The following WWOX variants were observed in gnomAD, a reference collection of about 807,000 sequenced individuals.
The protein encoded by WWOX is WW domain containing oxidoreductase, also known as WW domain-containing oxidoreductase.
A neutral mutation model predicts 46.2 loss-of-function variants in WWOX; 69 were observed. The observed-to-expected ratio is 1.49, with a 90% confidence interval of 1.23 to 1.82. The LOEUF (loss-of-function observed/expected upper bound fraction) is 1.82. WWOX is among the 40% of genes most tolerant of loss of function. WWOX has a pLI of 0.00. For missense variants in WWOX, 919 were observed against 542.6 expected (o/e 1.69, Z -6.89); for synonymous variants, 359 against 202.6 (o/e 1.77, Z -6.56).
chr16:79,141,734 C>T (rs2113271), intron 8 of WWOX, among the ~76,000 whole-genome samples: 29,379 of 147,448 alleles, frequency 0.2, 3,212 homozygotes, highest in East Asian at 0.4. Context: ...CCGTCTAGCA[C>T]GGAGGGCCAG....
Position 78,372,578 on chromosome 16 carries a change from C to T in WWOX, c.517-14282C>T, listed in dbSNP as rs377757021. 9.9e-5 allele frequency among the ~76,000 whole-genome samples: 15 copies of T among 152,280 alleles called. 1 individual carries two copies. The highest frequency in any genetic ancestry group is 3.6e-4 in the African/African-American group (15 of 41,552). The stretch of plus-strand genomic sequence containing the variant: ...GGGAAGTGCCCTGTCCATTATCCTC[C>T]ATGGTCCCATCTGAACTGGATCTAG... On this transcript the variant is annotated intron_variant, in intron 5 of 8. Coordinates refer to ENST00000566780, the MANE Select transcript of WWOX (RefSeq NM_016373.4).
intron 8 of WWOX, among the ~76,000 whole-genome samples, chr16:78,588,623 G>A (rs1453303595): frequency 1.3e-5 from 2 of 152,196 alleles, no homozygotes; most frequent in Non-Finnish European, 2.9e-5. Context: ...CTCAGAGAAA[G>A]TGAGGTCATT....
intron 8 of WWOX, among the ~76,000 whole-genome samples, chr16:79,012,186 A>G (rs1350919786): frequency 2.0e-5 from 3 of 152,120 alleles, no homozygotes; most frequent in Non-Finnish European, 4.4e-5. Flanking sequence ...TATAAAAGCC[A>G]CAAGCCACAT....
At chr16:78,597,910 C>A (rs1369842074) in intron 8 of WWOX, among the ~76,000 whole-genome samples, 1 of 151,882 alleles carries the variant, frequency 6.6e-6, no homozygotes, top group African/African-American at 2.4e-5. Flanking sequence ...CCTTTTCAGA[C>A]ACTGTAAAAC....
At chr16:78,702,667 A>AAC (rs1196487850) in intron 8 of WWOX, among the ~76,000 whole-genome samples, 4 of 35,610 alleles carry the variant, frequency 1.1e-4, no homozygotes, top group Non-Finnish European at 1.4e-4. Context: ...AAAAAAGAAC[A>AAC]AAAAAAAAAA....
At chr16:78,772,652 C>T (rs376879807) in intron 8 of WWOX, among the ~76,000 whole-genome samples, 1 of 152,160 alleles carries the variant, frequency 6.6e-6, no homozygotes, top group African/African-American at 2.4e-5. Context: ...CTAGCTAATT[C>T]CAGGCTTCAA....
chr16:79,070,848 A>T (rs1359664818), intron 8 of WWOX, among the ~76,000 whole-genome samples: 1 of 152,128 alleles, frequency 6.6e-6, no homozygotes, highest in African/African-American at 2.4e-5. Flanking sequence ...GAGGGAGTGG[A>T]AGAGAAATGT....
chr16:78,817,900 A>C (rs1309386376), intron 8 of WWOX, among the ~76,000 whole-genome samples: 1 of 152,154 alleles, frequency 6.6e-6, no homozygotes, highest in Admixed American at 6.5e-5. Flanking sequence ...AAACCATCTC[A>C]TTGGGCTTTC....
In WWOX at chr16:78,843,997, A is replaced by C. The variant is rs186477595; in HGVS notation, c.1057-367611A>C. ...TAGGCAAAACCCAGATGATGTATTC[A>C]ACATGCTCTGAGAATAGCCAGGGGT... On this transcript the variant is annotated intron_variant, in intron 8 of 8. Coordinates refer to ENST00000566780, the MANE Select transcript of WWOX (RefSeq NM_016373.4). Among the ~76,000 whole-genome samples the C allele has an allele frequency of 2.6e-5, 4 of 152,288 alleles. No homozygotes were observed. In the East Asian group the frequency reaches 7.7e-4, roughly 29 times the overall value.
chr16:78,440,159 T>C (rs1036600899), intron 8 of WWOX, among the ~76,000 whole-genome samples: 1 of 152,194 alleles, frequency 6.6e-6, no homozygotes, highest in Non-Finnish European at 1.5e-5. Context: ...AATACGTATG[T>C]ACATATTTTA....
intron 8 of WWOX, among the ~76,000 whole-genome samples, chr16:78,827,964 G>T (rs1237165387): frequency 6.6e-6 from 1 of 152,172 alleles, no homozygotes; most frequent in East Asian, 1.9e-4. Context: ...TGACATGACT[G>T]GGGACAGAGT....
rs980666301 is a variant in WWOX, at chr16:78,825,455, C to T, written c.1057-386153C>T. The T allele has an allele frequency of 2.6e-5, 10 of 392,134 alleles. 1 individual carries two copies. The highest frequency in any genetic ancestry group is 4.3e-5 in the South Asian group (2 of 46,552). 24.3% of individuals were successfully genotyped at this position (392,134 alleles called of 1,614,324 possible). On this transcript the variant is annotated intron_variant, in intron 8 of 8. Coordinates refer to ENST00000566780, the MANE Select transcript of WWOX (RefSeq NM_016373.4). The stretch of plus-strand genomic sequence containing the variant: ...TTAGCCAACAGAACAAAAAATGTTC[C>T]TGGTGAGAACAGCCAGGGATTCTGG...
At chr16:79,024,432 A>G (rs927620091) in intron 8 of WWOX, among the ~76,000 whole-genome samples, 1 of 151,504 alleles carries the variant, frequency 6.6e-6, no homozygotes, top group African/African-American at 2.4e-5. Flanking sequence ...CTGATTTTTA[A>G]ATTTTTTTTT....
intron 7 of WWOX, among the ~76,000 whole-genome samples, chr16:78,426,911 C>T (rs566453722): frequency 2.0e-5 from 3 of 152,342 alleles, no homozygotes; most frequent in South Asian, 4.1e-4. Context: ...ATCCGCCTGC[C>T]TTGGCTTCTC....
chr16:78,299,585 T>TGGCAAGATC (rs2080004424), intron 5 of WWOX, among the ~76,000 whole-genome samples: 1 of 151,642 alleles, frequency 6.6e-6, no homozygotes, highest in East Asian at 1.9e-4. Context: ...GTGGCGAGAT[T>TGGCAAGATC]GGCAAGATCG....
intron 8 of WWOX, among the ~76,000 whole-genome samples, chr16:78,759,750 T>G (rs1348880085): frequency 6.6e-6 from 1 of 152,198 alleles, no homozygotes; most frequent in East Asian, 1.9e-4. Flanking sequence ...ATGCAGAGGC[T>G]TAAGACAGCA....
intron 8 of WWOX, among the ~76,000 whole-genome samples, chr16:78,820,153 C>G (rs905918135): frequency 6.6e-6 from 1 of 152,102 alleles, no homozygotes; most frequent in African/African-American, 2.4e-5. Flanking sequence ...ATGACCCTGT[C>G]CCTGCTTGCT....
At chr16:78,657,570 G>A (rs1228168905) in intron 8 of WWOX, among the ~76,000 whole-genome samples, 1 of 152,138 alleles carries the variant, frequency 6.6e-6, no homozygotes, top group Non-Finnish European at 1.5e-5. Context: ...GACCCTGGCC[G>A]GGACTGAAGC....
chr16:79,126,082 C>T (rs1261769444), intron 8 of WWOX, among the ~76,000 whole-genome samples: 3 of 152,076 alleles, frequency 2.0e-5, no homozygotes, highest in Non-Finnish European at 4.4e-5. Flanking sequence ...GGTAGGGAAG[C>T]AACATAATGT....
Sources: gnomAD v4.1 joint callset for allele counts (sites outside exome capture counted in the v4.1 genomes callset) on GRCh38, gnomAD v4.1.1 for gene constraint, MANE v1.5 for transcripts, NCBI Gene and HGNC (gene_info 2026-07-23, HGNC 2026-07-21) for gene names.